RAD51B: variants seen among roughly 807,000 people sequenced by gnomAD.
The protein encoded by RAD51B is RAD51 paralog B.
A neutral mutation model predicts 42.2 loss-of-function variants in RAD51B; 38 were observed. The ratio of observed to expected loss-of-function variants is 0.90; its 90% confidence interval spans 0.70 to 1.18. The LOEUF is 1.18. RAD51B is among the 50% of genes most tolerant of loss of function. The pLI is 0.00. For missense variants in RAD51B, 373 were observed against 400.7 expected (o/e 0.93, Z 0.59); for synonymous variants, 154 against 145.2 (o/e 1.06, Z -0.43).
intron 8 of RAD51B, among the ~76,000 whole-genome samples, chr14:68,369,525 G>T (rs551849579): frequency 1.3e-5 from 2 of 152,186 alleles, no homozygotes; most frequent in Non-Finnish European, 1.5e-5. Context: ...CTGGGGTTCT[G>T]CCTTTCTCAA....
chr14:68,108,925 G>A (rs1241162325), intron 7 of RAD51B, among the ~76,000 whole-genome samples: 1 of 151,802 alleles, frequency 6.6e-6, no homozygotes, highest in Admixed American at 6.6e-5. Context: ...TGTCTATGAG[G>A]ATCTTCAATT....
At chr14:67,841,241 CTGTT>C (rs1469787749) in intron 4 of RAD51B, among the ~76,000 whole-genome samples, 2 of 152,194 alleles carry the variant, frequency 1.3e-5, no homozygotes, top group Non-Finnish European at 2.9e-5. Flanking sequence ...TGAGAAGTGT[CTGTT>C]CATGTCCTTT....
chr14:68,174,228 G>A (rs2078923232), intron 7 of RAD51B, among the ~76,000 whole-genome samples: 1 of 152,062 alleles, frequency 6.6e-6, no homozygotes, highest in Non-Finnish European at 1.5e-5. Flanking sequence ...AGGGAATAAG[G>A]ATGGTGCTAA....
intron 11 of RAD51B, among the ~76,000 whole-genome samples, chr14:68,678,877 A>C (rs1893367647): frequency 6.6e-6 from 1 of 152,084 alleles, no homozygotes; most frequent in African/African-American, 2.4e-5. Flanking sequence ...GCCCTTTACG[A>C]AATTTTAATT....
At chr14:68,469,043 G>GAAGGATCTGCACAGAAGTGCTT in intron 10 of RAD51B, 1 of 465,748 alleles carries the variant, frequency 2.1e-6, no homozygotes. Flanking sequence ...TGTGGATGAG[G>GAAGGATCTGCACAGAAGTGCTT]AAGGATCTGC....
chr14:68,540,166 C>CTTTTTTTTTTTTTTTTTTTTTTTTTTT (rs11321834), intron 10 of RAD51B: 1 of 459,048 alleles, frequency 2.2e-6, no homozygotes, highest in Non-Finnish European at 2.7e-6. Flanking sequence ...TACCCTGCTC[C>CTTTTTTTTTTTTTTTTTTTTTTTTTTT]TTTTTTTTTT....
chr14:68,368,778 C>T (rs971048779), intron 8 of RAD51B, among the ~76,000 whole-genome samples: 4 of 152,198 alleles, frequency 2.6e-5, no homozygotes, highest in African/African-American at 9.7e-5. Flanking sequence ...AAGTAGTAAA[C>T]ACTCTGCTGC....
chr14:68,114,470 G>A (rs2077508395), intron 7 of RAD51B, among the ~76,000 whole-genome samples: 1 of 151,942 alleles, frequency 6.6e-6, no homozygotes, highest in South Asian at 2.1e-4. Context: ...GATATATGCA[G>A]CATTTTGTCA....
At chr14:67,961,158 C>T (rs1238561327) in intron 7 of RAD51B, among the ~76,000 whole-genome samples, 1 of 151,750 alleles carries the variant, frequency 6.6e-6, no homozygotes, top group Non-Finnish European at 1.5e-5. Context: ...AGGTGTGCGC[C>T]ACCACACCTG....
At chr14:68,187,826 G>GT (rs764488109) in intron 7 of RAD51B, among the ~76,000 whole-genome samples, 1 of 151,754 alleles carries the variant, frequency 6.6e-6, no homozygotes, top group Non-Finnish European at 1.5e-5. Flanking sequence ...ATTTTTCTTT[G>GT]TTTTTTGAGG....
intron 9 of RAD51B, among the ~76,000 whole-genome samples, chr14:68,456,428 A>G (rs1205859490): frequency 6.6e-6 from 1 of 152,244 alleles, no homozygotes; most frequent in Non-Finnish European, 1.5e-5. Context: ...GAAAGCTGGA[A>G]TGGCTATGCT....
exon 11 of RAD51B, chr14:68,595,977 T>A: frequency 5.0e-5 from 27 of 543,776 alleles, no homozygotes; most frequent in South Asian, 8.5e-5. Flanking sequence ...TCAAGTTTCC[T>A]CCCATTAACA....
intron 7 of RAD51B, among the ~76,000 whole-genome samples, chr14:67,976,508 C>T (rs952044439): frequency 9.2e-5 from 14 of 151,748 alleles, no homozygotes; most frequent in Non-Finnish European, 1.9e-4. Context: ...ATGTGCACAA[C>T]GTGCAGGTTT....
At chr14:68,285,033 C>G (rs1566784657) in intron 7 of RAD51B, among the ~76,000 whole-genome samples, 1 of 152,176 alleles carries the variant, frequency 6.6e-6, no homozygotes, top group Non-Finnish European at 1.5e-5. Flanking sequence ...CCTCTTGTCT[C>G]CTTCTCACCT....
At chr14:68,466,336 T>A (rs907360711) in intron 9 of RAD51B, among the ~76,000 whole-genome samples, 2 of 152,252 alleles carry the variant, frequency 1.3e-5, no homozygotes, top group Non-Finnish European at 1.5e-5. Flanking sequence ...CTTAATTTAA[T>A]CCTCATAATA....
At chr14:68,289,609 G>A (rs955997757) in intron 7 of RAD51B, among the ~76,000 whole-genome samples, 1 of 152,074 alleles carries the variant, frequency 6.6e-6, no homozygotes, top group African/African-American at 2.4e-5. Flanking sequence ...AGCTACTTGG[G>A]AAGCTGAGGC....
intron 7 of RAD51B, among the ~76,000 whole-genome samples, chr14:68,146,736 T>A (rs954606772): frequency 6.6e-6 from 1 of 152,216 alleles, no homozygotes; most frequent in Non-Finnish European, 1.5e-5. Flanking sequence ...ATTTGGCCCA[T>A]AATTATGGCT....
At chr14:68,376,516 G>T (rs573573129) in intron 8 of RAD51B, among the ~76,000 whole-genome samples, 2 of 152,306 alleles carry the variant, frequency 1.3e-5, no homozygotes, top group Admixed American at 1.3e-4. Flanking sequence ...TTTCCTAATG[G>T]TCTGATGCCC....
At chr14:68,464,906 C>T (rs975013599) in intron 9 of RAD51B, among the ~76,000 whole-genome samples, 21 of 152,136 alleles carry the variant, frequency 1.4e-4, no homozygotes, top group Non-Finnish European at 2.6e-4. Flanking sequence ...GTGACCTGTC[C>T]GAACTCTTTG....
Sources: allele counts gnomAD v4.1 joint callset (sites outside exome capture counted in the v4.1 genomes callset), GRCh38; gene constraint gnomAD v4.1.1; transcripts MANE v1.5; gene names NCBI Gene and HGNC (gene_info 2026-07-23, HGNC 2026-07-21).